Variants in ECSIT observed in about 807,000 individuals in gnomAD.
The protein encoded by ECSIT is ECSIT signaling integrator.
In ECSIT, 29 loss-of-function variants were observed where a neutral mutation model predicts 36.8. The observed-to-expected ratio is 0.79, with a 90% confidence interval of 0.59 to 1.08. The LOEUF (loss-of-function observed/expected upper bound fraction) is 1.08, where lower values mean the gene tolerates loss of function less well. Among genes scored for constraint, ECSIT ranks in the 50% least tolerant of loss-of-function variants. The pLI, the probability that ECSIT is intolerant of heterozygous loss-of-function variation, is 0.00. For synonymous variants in ECSIT, 231 were observed against 234.8 expected, an observed-to-expected ratio of 0.98 and a Z score of 0.15; for missense variants, 542 against 581.0, an observed-to-expected ratio of 0.93 and a Z score of 0.69.
At chr19:11,508,531 G>A (rs1235063137) in intron 4 of ECSIT, among the ~76,000 whole-genome samples, 2 of 151,942 alleles carry the variant, frequency 1.3e-5, no homozygotes, top group Non-Finnish European at 2.9e-5. Context: ...GTCTACAGGT[G>A]CACACCACTA....
rs775926832 is a variant in ECSIT at position 11,514,181 on chromosome 19, G to A, written c.137C>T (p.Ala46Val). The A allele has an allele frequency of 9.3e-6, 15 of 1,610,130 alleles. 1 individual carries two copies. In the South Asian group the frequency reaches 1.7e-4, roughly 18 times the overall value. ...CAGGGACTGTTCAGAGCTATGGGCA[G>A]CTGCGCTGCAGTGGAGGCCCCGAGG... is the stretch of plus-strand genomic sequence containing the variant. ...RLPRGLHCSA[A>V]AHSSEQSLVP... The change falls in exon 3 of 8, where the codon GCT (alanine) becomes GTT (valine). Residue 46 changes from alanine to valine, a missense_variant. Transcript: ENST00000270517.
intron 1 of ECSIT, chr19:11,528,689 G>C (rs988946874): frequency 4.6e-5 from 7 of 152,198 alleles, no homozygotes; most frequent in Non-Finnish European, 1.0e-4. Context: ...ACGGAAACAA[G>C]CCTCAATTTC....
At position 11,513,894 on chromosome 19, in the gene ECSIT, G is replaced by T. The variant is rs140346109; in HGVS notation, c.424C>A (p.Arg142=). The change falls in exon 3 of 8, where the codon CGG becomes AGG. Residue 142 remains arginine, a synonymous_variant. Transcript: ENST00000270517. ...ATGCGCTGGATGATGTTGCGAGGCCGGAAGACCTCCTTGGGGAAGATGTTG... is the reference window on the plus strand; with the variant it reads ...ATGCGCTGGATGATGTTGCGAGGCCTGAAGACCTCCTTGGGGAAGATGTTG... ...LLNIFPKEVF[R]PRNIIQRIFV... is the part of the protein sequence containing the mutation. 6.2e-7 allele frequency: 1 copy of T among 1,614,186 alleles called. No homozygotes were observed. The highest frequency in any genetic ancestry group is 1.3e-5 in the African/African-American group (1 of 75,048).
At chr19:11,510,957 C>T (rs2085129217) in intron 4 of ECSIT, among the ~76,000 whole-genome samples, 1 of 151,174 alleles carries the variant, frequency 6.6e-6, no homozygotes, top group Admixed American at 6.6e-5. Flanking sequence ...CCCGGCATAG[C>T]TCTCCCCACC....
chr19:11,526,771 G>C (rs1459779252), intron 1 of ECSIT, among the ~76,000 whole-genome samples: 1 of 148,228 alleles, frequency 6.7e-6, no homozygotes, highest in Non-Finnish European at 1.5e-5. Flanking sequence ...CCAGGCTGGA[G>C]TGCAATGGCG....
In ECSIT at chr19:11,519,576, C is replaced by T. The variant is rs1012008108; in HGVS notation, c.-23-383G>A. On this transcript the variant is annotated intron_variant, in intron 1 of 7. Transcript: ENST00000270517. This position sits in a 1 kb window ranked among gnomAD's most constrained non-coding sequence, Gnocchi z 4.4. Reference sequence around the variant, plus strand: ...CGAACTGTTGGCTTCAAGTGATCCTCCCATCTCTGTCTCCAAAAGTGCTGG... The same window carrying T: ...CGAACTGTTGGCTTCAAGTGATCCTTCCATCTCTGTCTCCAAAAGTGCTGG... 2.0e-5 allele frequency among the ~76,000 whole-genome samples: 3 copies of T among 152,240 alleles called. No homozygotes were observed. The highest frequency in any genetic ancestry group is 3.9e-4 in the East Asian group (2 of 5,178).
At position 11,508,056 on chromosome 19, in the gene ECSIT, G is replaced by A; in HGVS notation, c.739-8C>T. 7 of 1,614,012 alleles carry A rather than the reference G, an allele frequency of 4.3e-6. No homozygotes were observed. Among genetic ancestry groups the A allele is most frequent in the Non-Finnish European group, 5.9e-6 (7 of 1,179,980 alleles). ...GTCTTTGGGCAAAGGAACCTGCAAG[G>A]GAGAGTAGGGATATAATCTTGTAAC... is the stretch of plus-strand genomic sequence containing the variant. On this transcript the variant is annotated splice_region_variant and splice_polypyrimidine_tract_variant and intron_variant, in intron 4 of 7. Coordinates refer to ENST00000270517, the MANE Select transcript of ECSIT (RefSeq NM_016581.5).
chr19:11,518,367 C>A (rs1972038627), intron 2 of ECSIT, among the ~76,000 whole-genome samples: 1 of 152,078 alleles, frequency 6.6e-6, no homozygotes, highest in Admixed American at 6.6e-5. Context: ...GCAGAGGTTG[C>A]AGTGAGCCAA....
At chr19:11,513,378 A>G in intron 3 of ECSIT, 99 bp from the exon 4 acceptor site, 1 of 997,374 alleles carries the variant, frequency 1.0e-6, no homozygotes, top group Non-Finnish European at 1.6e-6. Context: ...TTGATCACAG[A>G]CAGGGAGAAA....
chr19:11,513,381 G>A, intron 3 of ECSIT, 102 bp from the exon 4 acceptor site: 1 of 990,840 alleles, frequency 1.0e-6, no homozygotes, highest in South Asian at 1.3e-5. Context: ...ATCACAGACA[G>A]GGAGAAAAGA....
chr19:11,506,464 T>C, intron 7 of ECSIT, 36 bp from the exon 8 acceptor site: 1 of 1,577,436 alleles, frequency 6.3e-7, no homozygotes, highest in Non-Finnish European at 8.6e-7. Flanking sequence ...GTTTGCACAG[T>C]GGGGGCTGCA....
At position 11,506,070 on chromosome 19, in the gene ECSIT, G is replaced by T; in HGVS notation, c.*114C>A. The T allele has an allele frequency of 6.7e-7, 1 of 1,491,024 alleles. No individual in the cohort carries two copies. Among genetic ancestry groups the T allele is most frequent in the South Asian group, 1.3e-5 (1 of 78,712 alleles). 92.4% of individuals were successfully genotyped at this position (1,491,024 alleles called of 1,614,324 possible). A position where few individuals can be genotyped will look rare whatever the true frequency, so the allele number is the denominator to read the frequency against. The stretch of plus-strand genomic sequence containing the variant: ...GGGGATGCCATACTGCTAGAGATGA[G>T]GGAAGAGAGCCCCAAGCAGGAAAAC... On this transcript the variant is annotated 3_prime_UTR_variant, in exon 8 of 8. Transcript: ENST00000270517.
chr19:11,508,189 T>C, intron 4 of ECSIT, 141 bp from the exon 5 acceptor site: 1 of 980,864 alleles, frequency 1.0e-6, no homozygotes, highest in Non-Finnish European at 1.6e-6. Context: ...ACCTGTCCCC[T>C]CCTCCCTCTG....
intron 2 of ECSIT, among the ~76,000 whole-genome samples, chr19:11,517,859 A>T (rs940043660): frequency 2.6e-5 from 4 of 152,134 alleles, no homozygotes; most frequent in African/African-American, 9.7e-5. Context: ...CACTATGGGT[A>T]TAGGAAAGAA....
chr19:11,522,793 G>A (rs1216900593), intron 1 of ECSIT, among the ~76,000 whole-genome samples: 1 of 152,010 alleles, frequency 6.6e-6, no homozygotes, highest in Non-Finnish European at 1.5e-5. Context: ...AAAAAAGGTC[G>A]GGCACGGTGG....
At position 11,506,166 on chromosome 19, in the gene ECSIT, C is replaced by G; in HGVS notation, c.*18G>C. The G allele has an allele frequency of 6.2e-7, 1 of 1,601,676 alleles. No homozygotes were observed. The highest frequency in any genetic ancestry group is 1.3e-5 in the African/African-American group (1 of 75,068). On this transcript the variant is annotated 3_prime_UTR_variant, in exon 8 of 8. Transcript: ENST00000270517. ...CCGCCTCCTCGGGCCACAGCCCGTG[C>G]CCTCGCGCCGGCTCAGACTAGCTCT... is the stretch of plus-strand genomic sequence containing the variant.
chr19:11,524,290 G>T (rs1972167495), intron 1 of ECSIT, among the ~76,000 whole-genome samples: 1 of 151,812 alleles, frequency 6.6e-6, no homozygotes, highest in South Asian at 2.1e-4. Flanking sequence ...TTGGGAGGCC[G>T]AGGTGGGCAG....
At chr19:11,527,702 T>C (rs1421190434) in intron 1 of ECSIT, among the ~76,000 whole-genome samples, 2 of 150,142 alleles carry the variant, frequency 1.3e-5, no homozygotes. Context: ...TAAAAATAAA[T>C]AAATAGCCAG....
At position 11,513,805 on chromosome 19, in the gene ECSIT, G is replaced by C. The variant is rs375191697; in HGVS notation, c.513C>G (p.His171Gln). Reference sequence around the variant, plus strand: ...CCTGCGCCAGCCTCCTGGCCTCACCGTGGTTCTCCATCTGCTCCAGGACAG... The same window carrying C: ...CCTGCGCCAGCCTCCTGGCCTCACCCTGGTTCTCCATCTGCTCCAGGACAG... ...GIAVLEQMEN[H>Q]GVMPNKETEF... The change falls in exon 3 of 8, where the codon CAC becomes CAG. Residue 171 changes from histidine (H) to glutamine (Q), a missense_variant and splice_region_variant. Physicochemically the swap from His to Gln is conservative, Grantham distance 24. Coordinates refer to ENST00000270517, the MANE Select transcript of ECSIT (RefSeq NM_016581.5). 6.2e-7 allele frequency: 1 copy of C among 1,613,938 alleles called. No homozygotes were observed.
Sources: allele counts gnomAD v4.1 joint callset (sites outside exome capture counted in the v4.1 genomes callset), GRCh38; gene constraint gnomAD v4.1.1; non-coding constraint Gnocchi (gnomAD v3.1); transcripts MANE v1.5; gene names NCBI Gene and HGNC (gene_info 2026-07-23, HGNC 2026-07-21).